Variants in PTPRN2 observed in about 807,000 individuals in gnomAD.
PTPRN2 encodes receptor-type tyrosine-protein phosphatase N2.
Under a neutral mutation model 118.8 loss-of-function variants are expected in PTPRN2, and 74 were observed. The ratio of observed to expected loss-of-function variants is 0.62; its 90% CI spans 0.52 to 0.76. The LOEUF (loss-of-function observed/expected upper bound fraction) is 0.76. Ranked by LOEUF, PTPRN2 falls within the 30% of genes least tolerant of loss-of-function variation. The probability of loss-of-function intolerance (pLI) is 0.00; values close to 1 mark genes in which losing one functional copy is unlikely to be tolerated. For synonymous variants in PTPRN2, 641 were observed against 608.0 expected (o/e 1.05, Z -0.80); for missense variants, 1,481 against 1,394.4 (o/e 1.06, Z -0.99).
chr7:158,586,910 T>C (rs1482165974), intron 1 of PTPRN2, among the ~76,000 whole-genome samples: 1 of 151,472 alleles, frequency 6.6e-6, no homozygotes, highest in Non-Finnish European at 1.5e-5. Flanking sequence ...GTGGCGGGGC[T>C]CGGGGCGTGA....
intron 11 of PTPRN2, among the ~76,000 whole-genome samples, chr7:157,957,683 C>G (rs940822670): frequency 1.6e-4 from 25 of 152,210 alleles, no homozygotes; most frequent in African/African-American, 6.0e-4. Flanking sequence ...ACGCAACCTA[C>G]TGAGACTGAG....
chr7:158,057,566 T>C (rs1248405674), intron 11 of PTPRN2, among the ~76,000 whole-genome samples: 1 of 152,200 alleles, frequency 6.6e-6, no homozygotes, highest in Non-Finnish European at 1.5e-5. Flanking sequence ...CACGTAACGC[T>C]GTGGCACTGT....
At chr7:157,857,551 G>A (rs531592291) in intron 12 of PTPRN2, 1 of 152,372 alleles carries the variant, frequency 6.6e-6, no homozygotes, top group East Asian at 1.9e-4. Context: ...CATGCCAGGT[G>A]AGGCTCCTAC....
chr7:157,968,315 T>C (rs968558887), intron 11 of PTPRN2, among the ~76,000 whole-genome samples: 1 of 152,172 alleles, frequency 6.6e-6, no homozygotes. Flanking sequence ...ATGGTGTCCA[T>C]TCCACTCACT....
Position 158,205,168 on chromosome 7 carries a change from T to TA in PTPRN2, c.380+2dup. On this transcript the variant is annotated splice_region_variant and intron_variant, in intron 4 of 22. Transcript: ENST00000389418. ...AGGAGCAACAAGCCACGTCCACACT[T>TA]ACCTGGCTGGGCTGGATGCTTCAGG... 2 of 1,611,026 alleles carry TA rather than the reference T, an allele frequency of 1.2e-6. No individual in the cohort carries two copies. Among genetic ancestry groups the TA allele is most frequent in the Non-Finnish European group, 1.7e-6 (2 of 1,177,154 alleles).
chr7:158,265,117 C>T (rs868248250), intron 3 of PTPRN2, among the ~76,000 whole-genome samples: 1 of 152,206 alleles, frequency 6.6e-6, no homozygotes, highest in South Asian at 2.1e-4. Flanking sequence ...GTGCATGCTT[C>T]GTATGTGTTC....
intron 8 of PTPRN2, 38 bp downstream of exon 8, chr7:158,136,617 C>G: frequency 6.2e-7 from 1 of 1,600,060 alleles, no homozygotes; most frequent in East Asian, 2.2e-5. Context: ...CCAACTTCCA[C>G]ATTTAACATG....
chr7:157,906,803 G>T (rs1322264806), intron 11 of PTPRN2, among the ~76,000 whole-genome samples: 1 of 152,126 alleles, frequency 6.6e-6, no homozygotes, highest in Non-Finnish European at 1.5e-5. Context: ...TTAGGGAGGG[G>T]CAGGGTAGGA....
chr7:158,340,411 C>T (rs867143268), intron 2 of PTPRN2, among the ~76,000 whole-genome samples: 12 of 54,402 alleles, frequency 2.2e-4, no homozygotes, highest in East Asian at 5.3e-4. Flanking sequence ...CACCCGCAGA[C>T]GTCACTCACA....
intron 12 of PTPRN2, among the ~76,000 whole-genome samples, chr7:157,882,065 CTGT>C (rs1433825378): frequency 1.3e-5 from 2 of 151,868 alleles, no homozygotes; most frequent in African/African-American, 4.8e-5. Context: ...CCACAAACTA[CTGT>C]TGAAGAACAG....
At chr7:158,059,336 G>C (rs1810107971) in intron 11 of PTPRN2, among the ~76,000 whole-genome samples, 1 of 132,864 alleles carries the variant, frequency 7.5e-6, no homozygotes, top group African/African-American at 3.4e-5. Context: ...ACGCATCACT[G>C]CAGCCACACT....
intron 2 of PTPRN2, among the ~76,000 whole-genome samples, chr7:158,440,076 C>T (rs1816872735): frequency 6.6e-6 from 1 of 152,236 alleles, no homozygotes; most frequent in African/African-American, 2.4e-5. Flanking sequence ...CCTGGCCTCT[C>T]ACCCTAATGA....
chr7:158,414,384 C>T (rs1814471555), intron 2 of PTPRN2, among the ~76,000 whole-genome samples: 1 of 152,122 alleles, frequency 6.6e-6, no homozygotes, highest in Non-Finnish European at 1.5e-5. Flanking sequence ...GGAGGGTGCC[C>T]GGGCGGTTAA....
At chr7:157,677,679 A>G (rs1289202264) in intron 13 of PTPRN2, among the ~76,000 whole-genome samples, 2 of 152,216 alleles carry the variant, frequency 1.3e-5, no homozygotes, top group East Asian at 1.9e-4. Context: ...CTGATGATCT[A>G]TACTGAACAC....
At chr7:157,896,194 C>A (rs1485893218) in intron 12 of PTPRN2, among the ~76,000 whole-genome samples, 1 of 150,894 alleles carries the variant, frequency 6.6e-6, no homozygotes, top group African/African-American at 2.5e-5. Flanking sequence ...AAACCCAGAT[C>A]CCCCAATCCA....
chr7:158,036,585 AC>A (rs1321381139), intron 11 of PTPRN2, among the ~76,000 whole-genome samples: 1 of 152,234 alleles, frequency 6.6e-6, no homozygotes, highest in Non-Finnish European at 1.5e-5. Flanking sequence ...ACAAAAAGTG[AC>A]CAAAAAGGTA....
At chr7:157,574,249 C>A in intron 19 of PTPRN2, 1 of 409,636 alleles carries the variant, frequency 2.4e-6, no homozygotes, top group South Asian at 2.0e-5. Flanking sequence ...GGCGAGAGCG[C>A]ACCGTCATGC....
At position 157,602,607 on chromosome 7, in the gene PTPRN2, A is replaced by T. The variant is rs545622960; in HGVS notation, c.2418+1395T>A. ...CATCAGTGACCGCTGAGACCAGCAGAGCTGAGAGCTGAGCGCCATCTGCCA... is the reference window on the plus strand; with the variant it reads ...CATCAGTGACCGCTGAGACCAGCAGTGCTGAGAGCTGAGCGCCATCTGCCA... On this transcript the variant is annotated intron_variant, in intron 16 of 22. Coordinates refer to ENST00000389418, the MANE Select transcript of PTPRN2 (RefSeq NM_002847.5). Among the ~76,000 whole-genome samples the T allele has an allele frequency of 7.2e-5, 11 of 151,836 alleles. No individual in the cohort carries two copies. The East Asian group carries it at 2.1e-3, about 29-fold the overall frequency.
At chr7:158,368,356 C>A (rs933260435) in intron 2 of PTPRN2, among the ~76,000 whole-genome samples, 1 of 152,096 alleles carries the variant, frequency 6.6e-6, no homozygotes. Flanking sequence ...CTTTTCTTAG[C>A]GACTACCTAA....
Sources: gnomAD v4.1 joint callset for allele counts (sites outside exome capture counted in the v4.1 genomes callset) on GRCh38, gnomAD v4.1.1 for gene constraint, MANE v1.5 for transcripts, NCBI Gene and HGNC (gene_info 2026-07-23, HGNC 2026-07-21) for gene names.